Variants in LAMB4 observed in about 807,000 individuals in gnomAD.
The protein encoded by LAMB4 is laminin subunit beta-4.
LAMB4 carries 196 observed loss-of-function variants against 199.2 expected under a neutral mutation model. The observed-to-expected ratio is 0.98, with a 90% CI of 0.88 to 1.11. The LOEUF is 1.11. Ranked by LOEUF, LAMB4 falls within the 50% of genes least tolerant of loss-of-function variation. LAMB4 has a pLI of 0.00. For synonymous variants in LAMB4, 744 were observed against 770.6 expected (o/e 0.97, Z 0.57); for missense variants, 2,080 against 2,171.2 (o/e 0.96, Z 0.83).
intron 25 of LAMB4, among the ~76,000 whole-genome samples, chr7:108,054,205 T>C (rs2035910829): frequency 6.6e-6 from 1 of 152,174 alleles, no homozygotes; most frequent in South Asian, 2.1e-4. Context: ...CCCAAAGTGC[T>C]GGGATTACAG....
intron 4 of LAMB4, 78 bp from the exon 5 acceptor site, chr7:108,109,322 TTATCTG>T (rs1373080981): frequency 1.9e-6 from 2 of 1,035,644 alleles, no homozygotes; most frequent in Non-Finnish European, 1.5e-6. Context: ...CCATTGTGGC[TTATCTG>T]TAATAAAATC....
Position 108,055,912 on chromosome 7 carries a change from C to T in LAMB4, c.3475G>A (p.Asp1159Asn). The T allele has an allele frequency of 6.2e-7, 1 of 1,614,184 alleles. No individual in the cohort carries two copies. Among genetic ancestry groups the T allele is most frequent in the Non-Finnish European group, 8.5e-7 (1 of 1,180,032 alleles). ...TGGCTGTGTCCCCGGGCACAGCGAT[C>T]ACATCTCTGGCCGCTGACACCCTCC... ...CREGVSGQRC[D>N]RCARGHSQEF... Residue 1159 changes from aspartate to asparagine, a missense_variant, in exon 25 of 34, where the codon GAT (aspartate) becomes AAT (asparagine). By Grantham distance (23) the Asp-to-Asn change is conservative (BLOSUM62 1). Transcript: ENST00000388781.
intron 23 of LAMB4, among the ~76,000 whole-genome samples, chr7:108,059,872 T>C (rs765290643): frequency 8.5e-5 from 13 of 152,266 alleles, no homozygotes; most frequent in Non-Finnish European, 1.3e-4. Context: ...CCAGCCTGCA[T>C]GACAGCCTAT....
chr7:108,052,194 A>T lies in LAMB4; in HGVS notation c.3819T>A (p.Asp1273Glu). 1 of 1,611,794 alleles carries T rather than the reference A, an allele frequency of 6.2e-7. No homozygotes were observed. The highest frequency in any genetic ancestry group is 1.1e-5 in the South Asian group (1 of 90,480). Residue 1273 changes from aspartate (D) to glutamate (E), a missense_variant, in exon 26 of 34, where the codon GAT (aspartate) becomes GAA (glutamate). Transcript: ENST00000388781. ...CTTCATTCTTTGCTCTTTCTATTGTATCTTTCAGATCTTGAAATTCATACA... is the reference window on the plus strand; with the variant it reads ...CTTCATTCTTTGCTCTTTCTATTGTTTCTTTCAGATCTTGAAATTCATACA... ...KAVYEFQDLK[D>E]TIERAKNEAD...
At chr7:108,123,716 G>A (rs1005422443) in intron 1 of LAMB4, among the ~76,000 whole-genome samples, 1 of 152,154 alleles carries the variant, frequency 6.6e-6, no homozygotes, top group African/African-American at 2.4e-5. Context: ...CTTTTTCCTT[G>A]CACAAATAAT....
At chr7:108,036,879 T>C (rs922641048) in intron 30 of LAMB4, among the ~76,000 whole-genome samples, 3 of 148,644 alleles carry the variant, frequency 2.0e-5, no homozygotes, top group African/African-American at 7.5e-5. Context: ...AATTGCGGTT[T>C]TTGCCATTAT....
chr7:108,110,229 A>G (rs2038172057), intron 4 of LAMB4, among the ~76,000 whole-genome samples: 1 of 152,224 alleles, frequency 6.6e-6, no homozygotes, highest in Non-Finnish European at 1.5e-5. Context: ...GGGTTTTGCC[A>G]TGTTGGCCAG....
rs755058002 is a variant in LAMB4 at position 108,078,276 on chromosome 7, G to C, written c.1928C>G (p.Pro643Arg). 1.2e-6 allele frequency: 2 copies of C among 1,609,230 alleles called. No individual in the cohort carries two copies. The change falls in exon 16 of 34, where the codon CCT (proline) becomes CGT (arginine). Residue 643 changes from proline (P) to arginine (R), a missense_variant. By Grantham distance (103) the Pro-to-Arg change is moderately radical. Coordinates refer to ENST00000388781, the MANE Select transcript of LAMB4 (RefSeq NM_007356.3). Reference protein sequence around the residue: ...DWTVQIVVNPPGGSEHCIPKT... With the variant: ...DWTVQIVVNPRGGSEHCIPKT... ...GGGTATGCAGTGCTCACTCCCTCCAGGGGGGTTCACCACAATCTGGACAGT... is the reference window on the plus strand; with the variant it reads ...GGGTATGCAGTGCTCACTCCCTCCACGGGGGTTCACCACAATCTGGACAGT...
chr7:108,107,554 A>C, intron 6 of LAMB4, 77 bp downstream of exon 6: 1 of 1,189,662 alleles, frequency 8.4e-7, no homozygotes, highest in Non-Finnish European at 1.2e-6. Context: ...AACACTATCG[A>C]AAGTTTTTCA....
rs564119385 is a variant in LAMB4, at chr7:108,030,868, G to A, written c.4930C>T (p.His1644Tyr). ...LQTKLQRHQDHAVNAKVQAES... is the reference protein window; with the variant it reads ...LQTKLQRHQDYAVNAKVQAES... ...GCCTGAACTTTCGCATTGACAGCGT[G>A]GTCTTGATGCCTTTGCAACTTGGTC... The change falls in exon 32 of 34, where the codon CAC becomes TAC. Residue 1644 changes from histidine (H) to tyrosine (Y), a missense_variant. By Grantham distance (83) the His-to-Tyr change is moderately conservative. Coordinates refer to ENST00000388781, the MANE Select transcript of LAMB4 (RefSeq NM_007356.3). 3.1e-6 allele frequency: 5 copies of A among 1,614,110 alleles called. No individual in the cohort carries two copies. Among genetic ancestry groups the A allele is most frequent in the Admixed American group, 3.3e-5 (2 of 60,020 alleles).
intron 13 of LAMB4, 124 bp from the exon 14 acceptor site, chr7:108,091,900 C>T: frequency 1.1e-6 from 1 of 935,568 alleles, no homozygotes; most frequent in Middle Eastern, 3.4e-4. Flanking sequence ...AATCAATGGT[C>T]CTGTGGGAAG....
intron 2 of LAMB4, among the ~76,000 whole-genome samples, chr7:108,122,874 C>G (rs1216462602): frequency 6.6e-6 from 1 of 152,174 alleles, no homozygotes; most frequent in Non-Finnish European, 1.5e-5. Context: ...GACACTGAAA[C>G]TATTCTCTGT....
chr7:108,042,937 C>CTGTGTGTG (rs754739499), intron 29 of LAMB4, among the ~76,000 whole-genome samples: 8,096 of 140,288 alleles, frequency 0.058, 695 homozygotes, highest in African/African-American at 0.19. Context: ...CTCTCAATCT[C>CTGTGTGTG]TGTGTGTGTG....
chr7:108,042,757 C>T (rs2035462781), intron 29 of LAMB4, among the ~76,000 whole-genome samples: 1 of 151,592 alleles, frequency 6.6e-6, no homozygotes, highest in Non-Finnish European at 1.5e-5. Flanking sequence ...AAAAACAAAC[C>T]CAAAAAACCT....
rs1212233616 is a variant in LAMB4, at chr7:108,034,277, T to A, written c.4749A>T (p.Gln1583His). 6.2e-7 allele frequency: 1 copy of A among 1,613,572 alleles called. No individual in the cohort carries two copies. Among genetic ancestry groups the A allele is most frequent in the Non-Finnish European group, 8.5e-7 (1 of 1,179,626 alleles). ...GTGTAATGGTAGAGTTTGCCCGTCC[T>A]TGAGTGATTTGAGCTTGTTGTAACT... is the stretch of plus-strand genomic sequence containing the variant. ...LNQLQQAQIT[Q>H]GRANSTITQL... Residue 1583 changes from glutamine (Q) to histidine (H), a missense_variant, in exon 31 of 34, where the codon CAA (glutamine) becomes CAT (histidine). By Grantham distance (24) the Gln-to-His change is conservative. Coordinates refer to ENST00000388781, the MANE Select transcript of LAMB4 (RefSeq NM_007356.3).
chr7:108,030,113 T>A (rs897108049), intron 32 of LAMB4, among the ~76,000 whole-genome samples: 5 of 146,436 alleles, frequency 3.4e-5, no homozygotes, highest in Admixed American at 2.7e-4. Flanking sequence ...AGAGACTCTG[T>A]CTCACAAAAA....
chr7:108,127,190 T>TG lies in LAMB4; in HGVS notation c.-34+3115_-34+3116insC, dbSNP rs2038824190. Among the ~76,000 whole-genome samples, 4 of 36,906 alleles carry TG rather than the reference T, an allele frequency of 1.1e-4. No individual in the cohort carries two copies. The South Asian group carries it at 2.4e-3, about 22-fold the overall frequency. 24.2% of individuals were successfully genotyped at this position (36,906 alleles called of 152,430 possible). Reference sequence around the variant, plus strand: ...AATCACCAGGGTTTTTTTTTTTGTGTTTTTTTTTTTTTTTTGAATCCTGCT... The same window carrying TG: ...AATCACCAGGGTTTTTTTTTTTGTGTGTTTTTTTTTTTTTTTGAATCCTGCT... On this transcript the variant is annotated intron_variant, in intron 1 of 33. Coordinates refer to ENST00000388781, the MANE Select transcript of LAMB4 (RefSeq NM_007356.3).
intron 2 of LAMB4, among the ~76,000 whole-genome samples, chr7:108,119,485 G>T (rs2038524984): frequency 1.3e-5 from 2 of 152,202 alleles, no homozygotes; most frequent in African/African-American, 4.8e-5. Flanking sequence ...AACTTGGATG[G>T]ATCTGAAAGG....
At chr7:108,097,582 G>A (rs1464553791) in intron 11 of LAMB4, among the ~76,000 whole-genome samples, 1 of 152,206 alleles carries the variant, frequency 6.6e-6, no homozygotes, top group African/African-American at 2.4e-5. Context: ...TCAGGAGACA[G>A]AGACCATCTT....
Sources: gnomAD v4.1 joint callset for allele counts (sites outside exome capture counted in the v4.1 genomes callset) on GRCh38, gnomAD v4.1.1 for gene constraint, MANE v1.5 for transcripts, NCBI Gene and HGNC (gene_info 2026-07-23, HGNC 2026-07-21) for gene names.